CCDC148: variants seen among roughly 807,000 people sequenced by gnomAD.
CCDC148 encodes coiled-coil domain containing 148, also known as coiled-coil domain-containing protein 148.
Under a neutral mutation model 85.7 loss-of-function variants are expected in CCDC148, and 89 were observed. That is an observed-to-expected ratio of 1.04 (90% confidence interval 0.87 to 1.24). The LOEUF is 1.24. Among genes scored for constraint, CCDC148 ranks in the 50% most tolerant of loss-of-function variants. The pLI, the probability that CCDC148 is intolerant of heterozygous loss-of-function variation, is 0.00. For synonymous variants in CCDC148, 230 were observed against 213.9 expected (o/e 1.08, Z -0.66); for missense variants, 692 against 671.7 (o/e 1.03, Z -0.33).
At chr2:158,366,405 T>C (rs888614164) in intron 1 of CCDC148, among the ~76,000 whole-genome samples, 15 of 151,876 alleles carry the variant, frequency 9.9e-5, no homozygotes, top group African/African-American at 3.4e-4. Flanking sequence ...ATTACCTAAA[T>C]TGAAGAATAA....
chr2:158,384,853 T>C (rs1685019080), intron 1 of CCDC148, among the ~76,000 whole-genome samples: 1 of 152,178 alleles, frequency 6.6e-6, no homozygotes, highest in African/African-American at 2.4e-5. Context: ...GTTCTGCAGG[T>C]TGGAAGTCTG....
intron 1 of CCDC148, among the ~76,000 whole-genome samples, chr2:158,418,360 C>CAATAT (rs1036198082): frequency 1.3e-5 from 2 of 151,946 alleles, no homozygotes; most frequent in Non-Finnish European, 2.9e-5. Flanking sequence ...ACTCTAAGTC[C>CAATAT]AATATAATAA....
intron 1 of CCDC148, among the ~76,000 whole-genome samples, chr2:158,398,851 A>G (rs1264953284): frequency 3.3e-5 from 5 of 152,188 alleles, no homozygotes; most frequent in Non-Finnish European, 5.9e-5. Flanking sequence ...GTTTTTTGAA[A>G]AGATCAACAA....
chr2:158,393,544 T>C (rs951161941), intron 1 of CCDC148, among the ~76,000 whole-genome samples: 2 of 152,080 alleles, frequency 1.3e-5, no homozygotes, highest in Non-Finnish European at 2.9e-5. Flanking sequence ...TTTGAAGTAG[T>C]ACAAGCAAGC....
chr2:158,352,263 C>T lies in CCDC148; in HGVS notation c.147+6186G>A, dbSNP rs543415848. On this transcript the variant is annotated intron_variant, in intron 2 of 13. Transcript: ENST00000283233. ...CGAGCTGAGAGAAGAAGGCTTCAGA[C>T]GATCAAATTACTCTGAGCTACGGGA... Among the ~76,000 whole-genome samples the T allele has an allele frequency of 2.2e-4, 33 of 149,812 alleles. 1 individual carries two copies. In the East Asian group the frequency reaches 4.2e-3, roughly 19 times the overall value.
chr2:158,232,268 A>C (rs1254257653), intron 10 of CCDC148, among the ~76,000 whole-genome samples: 1 of 152,164 alleles, frequency 6.6e-6, no homozygotes, highest in African/African-American at 2.4e-5. Flanking sequence ...GTAAAAGTAT[A>C]ATAAATACTG....
At position 158,307,130 on chromosome 2, in the gene CCDC148, A is replaced by G. The variant is rs116460967; in HGVS notation, c.1110+2303T>C. 6.5e-3 allele frequency among the ~76,000 whole-genome samples: 985 copies of G among 152,228 alleles called. 13 individuals carry two copies. The highest frequency in any genetic ancestry group is 0.022 in the African/African-American group (923 of 41,580). ...GAAGTTTTGTTCATTTAAAGATGCC[A>G]TTAAGAGAAGTGAGGAGACAAGTCA... On this transcript the variant is annotated intron_variant, in intron 9 of 13. Transcript: ENST00000283233.
intron 1 of CCDC148, among the ~76,000 whole-genome samples, chr2:158,430,605 C>G (rs1687302716): frequency 6.6e-6 from 1 of 152,002 alleles, no homozygotes; most frequent in Non-Finnish European, 1.5e-5. Context: ...TTTGAAATAG[C>G]TTGGAGAGAA....
intron 1 of CCDC148, among the ~76,000 whole-genome samples, chr2:158,399,240 T>C (rs973501631): frequency 6.6e-6 from 1 of 151,970 alleles, no homozygotes; most frequent in Non-Finnish European, 1.5e-5. Flanking sequence ...TTCCAATCGA[T>C]AGAAAAAGAG....
intron 1 of CCDC148, among the ~76,000 whole-genome samples, chr2:158,362,310 G>T (rs928713942): frequency 2.6e-5 from 4 of 152,058 alleles, no homozygotes; most frequent in African/African-American, 9.7e-5. Flanking sequence ...CTCAGCTCTG[G>T]ATCAAGCAGA....
At chr2:158,388,986 G>A (rs1408890627) in intron 1 of CCDC148, among the ~76,000 whole-genome samples, 1 of 152,126 alleles carries the variant, frequency 6.6e-6, no homozygotes. Context: ...GATTCTTAGA[G>A]CCTGATTTGA....
rs377753426 is a variant in CCDC148, at chr2:158,317,216, T to G, written c.765-3322A>C. 6.8e-4 allele frequency among the ~76,000 whole-genome samples: 103 copies of G among 152,340 alleles called. 1 individual carries two copies. The highest frequency in any genetic ancestry group is 2.4e-3 in the African/African-American group (100 of 41,584). ...TTTTGCAATTTACAAAAAAAAATCT[T>G]TAGACAAAAAATCTTTAGCAGTTCT... On this transcript the variant is annotated intron_variant, in intron 7 of 13. Transcript: ENST00000283233.
chr2:158,334,504 C>T (rs923195231), intron 7 of CCDC148, among the ~76,000 whole-genome samples: 2 of 66,034 alleles, frequency 3.0e-5, no homozygotes, highest in Non-Finnish European at 6.4e-5. Context: ...TTTTGAATGG[C>T]CTTCTCTACT....
chr2:158,370,146 G>A (rs967086519), intron 1 of CCDC148, among the ~76,000 whole-genome samples: 5 of 151,922 alleles, frequency 3.3e-5, no homozygotes, highest in African/African-American at 1.2e-4. Flanking sequence ...GTTAGTGGAG[G>A]GAGAGTATCA....
chr2:158,424,452 CA>C (rs1686972405), intron 1 of CCDC148, among the ~76,000 whole-genome samples: 2 of 151,960 alleles, frequency 1.3e-5, no homozygotes, highest in Non-Finnish European at 2.9e-5. Context: ...TCATTCTCAG[CA>C]AACTATCACA....
At chr2:158,184,363 TAG>T (rs1454630681) in intron 11 of CCDC148, among the ~76,000 whole-genome samples, 1 of 152,108 alleles carries the variant, frequency 6.6e-6, no homozygotes, top group Non-Finnish European at 1.5e-5. Flanking sequence ...TTAGTCAACA[TAG>T]AGTTACTTAA....
chr2:158,177,025 A>G (rs1684625003), intron 12 of CCDC148, among the ~76,000 whole-genome samples: 1 of 152,070 alleles, frequency 6.6e-6, no homozygotes, highest in Admixed American at 6.6e-5. Context: ...GTAAAAAAAA[A>G]TTCACTTTTT....
chr2:158,223,117 G>A (rs1048069632), intron 10 of CCDC148, among the ~76,000 whole-genome samples: 6 of 152,152 alleles, frequency 3.9e-5, no homozygotes, highest in Non-Finnish European at 7.3e-5. Flanking sequence ...TCACTCCCAC[G>A]CTAATACTGC....
intron 11 of CCDC148, among the ~76,000 whole-genome samples, chr2:158,205,355 G>A (rs1686182953): frequency 6.6e-6 from 1 of 152,176 alleles, no homozygotes; most frequent in South Asian, 2.1e-4. Context: ...ACAGGGTGGA[G>A]AGAGCAATGA....
Sources: gnomAD v4.1 joint callset for allele counts (sites outside exome capture counted in the v4.1 genomes callset) on GRCh38, gnomAD v4.1.1 for gene constraint, MANE v1.5 for transcripts, NCBI Gene and HGNC (gene_info 2026-07-23, HGNC 2026-07-21) for gene names.